KMT2C: variants seen among roughly 807,000 people sequenced by gnomAD.
The protein encoded by KMT2C is histone-lysine N-methyltransferase 2C.
Under a neutral mutation model 507.9 loss-of-function variants are expected in KMT2C, and 88 were observed. That is an observed-to-expected ratio of 0.17 (90% CI 0.15 to 0.21). The LOEUF is 0.21. KMT2C is among the 10% of genes least tolerant of loss of function. The probability of loss-of-function intolerance (pLI) is 1.00; values close to 1 mark genes in which losing one functional copy is unlikely to be tolerated. For missense variants in KMT2C, 4,954 were observed against 5,957.8 expected, an observed-to-expected ratio of 0.83 and a Z score of 5.55; for synonymous variants, 2,049 against 2,080.8, an observed-to-expected ratio of 0.98 and a Z score of 0.42.
chr7:152,262,869 G>T, intron 9 of KMT2C, 147 bp downstream of exon 9: 1 of 607,538 alleles, frequency 1.6e-6, no homozygotes, highest in Non-Finnish European at 2.9e-6. Flanking sequence ...AGAGTGTACA[G>T]TTTATTATAT....
chr7:152,320,555 A>G (rs1409742999), intron 3 of KMT2C, among the ~76,000 whole-genome samples: 2 of 151,522 alleles, frequency 1.3e-5, no homozygotes, highest in Non-Finnish European at 2.9e-5. Flanking sequence ...GGCCTGTCCC[A>G]AGCATTTTGG....
rs563302837 is a variant in KMT2C, at chr7:152,299,181, G to T, written c.849+10785C>A. On this transcript the variant is annotated intron_variant, in intron 6 of 58. Transcript: ENST00000262189. ...AAAAATACAAAAATTAGCTGGGTGT[G>T]GTGGTGCACGTCTGTAATCCCAGCT... 1.9e-4 allele frequency among the ~76,000 whole-genome samples: 29 copies of T among 152,078 alleles called. No individual in the cohort carries two copies. The East Asian group carries it at 5.2e-3, about 27-fold the overall frequency.
Position 152,182,232 on chromosome 7 carries a change from T to C in KMT2C, c.5628A>G (p.Pro1876=), listed in dbSNP as rs1331566133. 1 of 1,613,956 alleles carries C rather than the reference T, an allele frequency of 6.2e-7. No individual in the cohort carries two copies. Among genetic ancestry groups the C allele is most frequent in the Admixed American group, 1.7e-5 (1 of 60,002 alleles). ...CAGGTGAAAACACTTGCGGTGAGGGTGGCTGAGAAGTCTGAGCCTGAGAAA... is the reference window on the plus strand; with the variant it reads ...CAGGTGAAAACACTTGCGGTGAGGGCGGCTGAGAAGTCTGAGCCTGAGAAA... ...DSLSQAQTSQ[P]PSPQVFSPGS... Residue 1876 remains proline (P), a synonymous_variant, in exon 36 of 59, where the codon CCA becomes CCG. Coordinates refer to ENST00000262189, the MANE Select transcript of KMT2C (RefSeq NM_170606.3).
At chr7:152,264,003 A>G (rs1408775070) in intron 8 of KMT2C, among the ~76,000 whole-genome samples, 1 of 152,172 alleles carries the variant, frequency 6.6e-6, no homozygotes, top group Non-Finnish European at 1.5e-5. Context: ...TCCAATTATT[A>G]TTCAGTTCAG....
intron 14 of KMT2C, among the ~76,000 whole-genome samples, chr7:152,240,406 G>A (rs1282692711): frequency 6.6e-6 from 1 of 152,216 alleles, no homozygotes; most frequent in Non-Finnish European, 1.5e-5. Context: ...TCTCCTGTAC[G>A]TGTTCTTCCT....
intron 1 of KMT2C, among the ~76,000 whole-genome samples, chr7:152,401,638 C>G (rs1283409285): frequency 1.3e-5 from 2 of 152,286 alleles, no homozygotes; most frequent in African/African-American, 4.8e-5. Context: ...TTGCAGTGAA[C>G]CAAGATCGCA....
chr7:152,256,826 A>T (rs2095669413), intron 9 of KMT2C, among the ~76,000 whole-genome samples: 1 of 152,190 alleles, frequency 6.6e-6, no homozygotes. Context: ...TTCGCCCAGA[A>T]GACAGACAAA....
rs765992818 is a variant in KMT2C at position 152,207,313 on chromosome 7, T to C, written c.3828A>G (p.Lys1276=). Residue 1276 remains lysine, a synonymous_variant, in exon 24 of 59, where the codon AAA becomes AAG. Transcript: ENST00000262189. ...CAGGCACTATACCTGGTCTGTATGG[T>C]TTCCTTTTTCTCTTTTTGACACCAT... ...GTDGVKKRKR[K]PYRPGIGGFM... 12 of 1,593,002 alleles carry C rather than the reference T, an allele frequency of 7.5e-6. No individual in the cohort carries two copies. Among genetic ancestry groups the C allele is most frequent in the Non-Finnish European group, 1.0e-5 (12 of 1,172,432 alleles).
At chr7:152,396,970 T>A (rs1242082150) in intron 1 of KMT2C, among the ~76,000 whole-genome samples, 1 of 152,154 alleles carries the variant, frequency 6.6e-6, no homozygotes, top group African/African-American at 2.4e-5. Flanking sequence ...ATAATAAAAC[T>A]GGAAATCAAC....
intron 6 of KMT2C, among the ~76,000 whole-genome samples, chr7:152,299,977 CACA>C (rs762290981): frequency 1.3e-5 from 2 of 152,106 alleles, no homozygotes; most frequent in Non-Finnish European, 2.9e-5. Flanking sequence ...CAGAGTTAAA[CACA>C]ACATTTTTCT....
At chr7:152,221,516 T>TAAA (rs2094770733) in intron 22 of KMT2C, among the ~76,000 whole-genome samples, 1 of 152,208 alleles carries the variant, frequency 6.6e-6, no homozygotes, top group African/African-American at 2.4e-5. Flanking sequence ...TACAAAACTG[T>TAAA]TGTTCCTTAG....
chr7:152,253,939 A>G (rs1271053057), intron 9 of KMT2C, among the ~76,000 whole-genome samples: 1 of 152,162 alleles, frequency 6.6e-6, no homozygotes, highest in East Asian at 1.9e-4. Context: ...AGGTTAATAC[A>G]TTGTGGGGCT....
chr7:152,312,425 GAAAAC>G, intron 4 of KMT2C: 1 of 152,514 alleles, frequency 6.6e-6, no homozygotes, highest in Middle Eastern at 3.4e-3. Context: ...CAGGGAAAAT[GAAAAC>G]CCACTACAGA....
intron 1 of KMT2C, among the ~76,000 whole-genome samples, chr7:152,422,512 C>CA (rs1490399103): frequency 6.6e-6 from 1 of 152,006 alleles, no homozygotes; most frequent in African/African-American, 2.4e-5. Flanking sequence ...TTGTTGAAAG[C>CA]AGTCACTACC....
At chr7:152,175,897 GC>G (rs1372602884) in intron 38 of KMT2C, among the ~76,000 whole-genome samples, 4 of 152,094 alleles carry the variant, frequency 2.6e-5, no homozygotes, top group African/African-American at 9.7e-5. Flanking sequence ...ACAAAAATTG[GC>G]CAGGCATGGT....
chr7:152,207,134 A>T (rs1287817017), intron 24 of KMT2C, among the ~76,000 whole-genome samples, 166 bp downstream of exon 24: 1 of 152,178 alleles, frequency 6.6e-6, no homozygotes, highest in African/African-American at 2.4e-5. Context: ...TCTAGAGCTA[A>T]AAAGTCGTAT....
chr7:152,325,554 G>C (rs2096820895), intron 3 of KMT2C, among the ~76,000 whole-genome samples: 1 of 151,470 alleles, frequency 6.6e-6, no homozygotes. Context: ...TCGACCTCCT[G>C]GGCTCAAGCG....
rs564716850 is a variant in KMT2C at position 152,154,438 on chromosome 7, C to T, written c.11968G>A (p.Asp3990Asn). 6.8e-6 allele frequency: 11 copies of T among 1,612,654 alleles called. No homozygotes were observed. In the Admixed American group the frequency reaches 1.3e-4, roughly 20 times the overall value. Residue 3990 changes from aspartate (D) to asparagine (N), a missense_variant, in exon 47 of 59, where the codon GAT becomes AAT. This residue lies in a region of KMT2C where 104 missense variants were observed against 134.3 expected (regional missense o/e 0.77). Transcript: ENST00000262189. ...HNNQEELRIQ[D>N]HCGDRDTPDS... ...GGAGTATCTCGATCACCACAGTGATCCTGTATCCTGAAAAAACATAAACAC... is the reference window on the plus strand; with the variant it reads ...GGAGTATCTCGATCACCACAGTGATTCTGTATCCTGAAAAAACATAAACAC...
rs963194267 is a variant in KMT2C, at chr7:152,135,532, A to C, written c.*1300T>G. On this transcript the variant is annotated 3_prime_UTR_variant, in exon 59 of 59. Coordinates refer to ENST00000262189, the MANE Select transcript of KMT2C (RefSeq NM_170606.3). ...TCTCCTTTTTTTTTTTAACTTTTTC[A>C]AATTTTTGTGTTAAATAGAAGGCTA... 1 of 224,806 alleles carries C rather than the reference A, an allele frequency of 4.4e-6. No homozygotes were observed. The highest frequency in any genetic ancestry group is 8.9e-6 in the Non-Finnish European group (1 of 112,672). 13.9% of individuals were successfully genotyped at this position (224,806 alleles called of 1,614,324 possible). A position where few individuals can be genotyped will look rare whatever the true frequency, so the allele number is the denominator to read the frequency against.
Sources: allele counts gnomAD v4.1 joint callset (sites outside exome capture counted in the v4.1 genomes callset), GRCh38; gene constraint gnomAD v4.1.1; regional missense constraint gnomAD v4.1.1; transcripts MANE v1.5; gene names NCBI Gene and HGNC (gene_info 2026-07-23, HGNC 2026-07-21).